Variants in PBX1 observed in about 807,000 individuals in gnomAD.
PBX1 encodes the protein pre-B-cell leukemia transcription factor 1.
PBX1 carries 6 observed loss-of-function variants against 53.4 expected under a neutral mutation model. That is an observed-to-expected ratio of 0.11 (90% CI 0.06 to 0.22). The LOEUF is 0.22. PBX1 is among the 10% of genes least tolerant of loss of function. The pLI is 1.00. For missense variants in PBX1, 251 were observed against 551.4 expected, an observed-to-expected ratio of 0.46 and a Z score of 5.46; for synonymous variants, 204 against 212.3, an observed-to-expected ratio of 0.96 and a Z score of 0.34.
At chr1:164,601,235 CAAAAAAAAAAAAAAAAAAA>C (rs746798555) in intron 2 of PBX1, among the ~76,000 whole-genome samples, 17 of 33,998 alleles carry the variant, frequency 5.0e-4, no homozygotes, top group Admixed American at 7.8e-4. Flanking sequence ...GATTCTGTCT[CAAAAAAAAAAAAAAAAAAA>C]AAAAAAAAGC....
intron 7 of PBX1, 45 bp downstream of exon 7, chr1:164,820,229 C>A: frequency 9.5e-7 from 1 of 1,055,798 alleles, no homozygotes; most frequent in Non-Finnish European, 1.5e-6. Flanking sequence ...CCTTAGAGTC[C>A]AAGAGCCCTC....
chr1:164,818,728 A>G (rs751520981), intron 6 of PBX1: 3 of 152,068 alleles, frequency 2.0e-5, no homozygotes, highest in Non-Finnish European at 4.4e-5. Flanking sequence ...AACACCATGA[A>G]TAGCCTAGAT....
chr1:164,695,591 T>G (rs1193370438), intron 2 of PBX1, among the ~76,000 whole-genome samples: 1 of 152,240 alleles, frequency 6.6e-6, no homozygotes, highest in Non-Finnish European at 1.5e-5. Flanking sequence ...GCCTTGTATA[T>G]TCCTTCATTG....
At position 164,849,970 on chromosome 1, in the gene PBX1, G is replaced by T. The variant is rs768764647; in HGVS notation, c.*3294G>T. 2.2e-5 allele frequency: 5 copies of T among 227,572 alleles called. No individual in the cohort carries two copies. Among genetic ancestry groups the T allele is most frequent in the Non-Finnish European group, 4.4e-5 (5 of 114,800 alleles). The allele number at this position is 227,572 out of a possible 1,614,324, so 14.1% of individuals were successfully genotyped here. ...ATTAACATTTTCCATTGTTTCTTGC[G>T]ACTTGTGTCTCGTTCTTTGTAGTAT... On this transcript the variant is annotated 3_prime_UTR_variant, in exon 9 of 9. Transcript: ENST00000420696.
chr1:164,611,690 C>T (rs1177178985), intron 2 of PBX1, among the ~76,000 whole-genome samples: 2 of 151,776 alleles, frequency 1.3e-5, no homozygotes, highest in Non-Finnish European at 1.5e-5. Flanking sequence ...TGCTTTGAGG[C>T]TTGGGAATAA....
At position 164,823,626 on chromosome 1, in the gene PBX1, G is replaced by GC. The variant is rs1441798553; in HGVS notation, c.1200+2000_1200+2001insC. Among the ~76,000 whole-genome samples, 277 of 124,354 alleles carry GC rather than the reference G, an allele frequency of 2.2e-3. 5 individuals carry two copies. Among genetic ancestry groups the GC allele is most frequent in the African/African-American group, 6.6e-3 (219 of 33,288 alleles). 81.6% of individuals were successfully genotyped at this position (124,354 alleles called of 152,430 possible). A position where few individuals can be genotyped will look rare whatever the true frequency, so the allele number is the denominator to read the frequency against. On this transcript the variant is annotated intron_variant, in intron 8 of 8. Coordinates refer to ENST00000420696, the MANE Select transcript of PBX1 (RefSeq NM_002585.4). ...GTCAGACTCTGGGGGGTGGGGGGGG[G>GC]GGTCAACACTGACCCCTCTGACATC...
intron 2 of PBX1, among the ~76,000 whole-genome samples, chr1:164,758,102 A>G (rs1372453643): frequency 6.6e-6 from 1 of 152,072 alleles, no homozygotes; most frequent in Admixed American, 6.6e-5. Flanking sequence ...GCCGCCTCAT[A>G]TTTCTACAGC....
intron 2 of PBX1, among the ~76,000 whole-genome samples, chr1:164,619,098 A>C (rs1273764947): frequency 6.6e-6 from 1 of 152,150 alleles, no homozygotes; most frequent in Non-Finnish European, 1.5e-5. Context: ...AGGGTTAGAC[A>C]ACAGGGAGAG....
At chr1:164,618,903 A>G (rs1657483766) in intron 2 of PBX1, among the ~76,000 whole-genome samples, 1 of 152,202 alleles carries the variant, frequency 6.6e-6, no homozygotes, top group South Asian at 2.1e-4. Context: ...CTACCTAATT[A>G]TGAATATTGA....
chr1:164,592,599 G>T (rs1655468484), intron 2 of PBX1, among the ~76,000 whole-genome samples: 1 of 152,214 alleles, frequency 6.6e-6, no homozygotes, highest in Non-Finnish European at 1.5e-5. Context: ...GCAGAGTCTA[G>T]CCTGGACCAG....
chr1:164,618,297 CGG>C (rs141131624), intron 2 of PBX1, among the ~76,000 whole-genome samples: 9 of 18,102 alleles, frequency 5.0e-4, no homozygotes, highest in Admixed American at 3.6e-3. Context: ...ATAATCACGG[CGG>C]GGGGGGGGGG....
At chr1:164,854,121 G>A (rs1030062098), downstream of PBX1, 1 of 151,774 alleles carries the variant, frequency 6.6e-6, no homozygotes, top group Non-Finnish European at 1.5e-5. Context: ...GGCCAGGCTG[G>A]TCTCGAACTC....
At chr1:164,721,043 G>C (rs970990444) in intron 2 of PBX1, among the ~76,000 whole-genome samples, 7 of 152,302 alleles carry the variant, frequency 4.6e-5, no homozygotes, top group Admixed American at 4.6e-4. Flanking sequence ...CTGTTTACTT[G>C]AACCAGTGAG....
chr1:164,879,881 T>TA (rs1340004609), intron 2 of PBX1, among the ~76,000 whole-genome samples: 3 of 152,098 alleles, frequency 2.0e-5, no homozygotes, highest in Non-Finnish European at 2.9e-5. Context: ...AAAAGAACCC[T>TA]AAAAAAACAC....
At position 164,662,357 on chromosome 1, in the gene PBX1, T is replaced by A. The variant is rs559927178; in HGVS notation, c.265+99046T>A. On this transcript the variant is annotated intron_variant, in intron 2 of 8. Transcript: ENST00000420696. ...ACAAACAAAAACTTCTTTAGTCTGT[T>A]TTTGGAAATTTCCATCTGACCAGAC... 9.2e-5 allele frequency among the ~76,000 whole-genome samples: 14 copies of A among 152,210 alleles called. No homozygotes were observed. In the South Asian group the frequency reaches 2.9e-3, roughly 32 times the overall value.
chr1:164,793,589 A>T (rs936645486), intron 3 of PBX1, among the ~76,000 whole-genome samples: 9 of 152,166 alleles, frequency 5.9e-5, no homozygotes, highest in Admixed American at 5.2e-4. Context: ...TCTAATAGAG[A>T]ACCCCCATCC....
intron 2 of PBX1, among the ~76,000 whole-genome samples, chr1:164,773,274 G>C (rs986947057): frequency 3.1e-4 from 13 of 41,788 alleles, no homozygotes; most frequent in East Asian, 1.4e-3. Flanking sequence ...CACACACACA[G>C]AGTTTTTCTT....
intron 2 of PBX1, among the ~76,000 whole-genome samples, chr1:164,742,461 G>A (rs1455709784): frequency 6.6e-6 from 1 of 152,174 alleles, no homozygotes; most frequent in Non-Finnish European, 1.5e-5. Context: ...AGAATTGCTT[G>A]AACCTGGGAG....
intron 8 of PBX1, among the ~76,000 whole-genome samples, chr1:164,844,114 T>C (rs1671440233): frequency 1.9e-5 from 2 of 102,900 alleles, no homozygotes; most frequent in African/African-American, 9.9e-5. Context: ...TTTCTTTCTT[T>C]CTTTTTTTTT....
Sources: allele counts gnomAD v4.1 joint callset (sites outside exome capture counted in the v4.1 genomes callset), GRCh38; gene constraint gnomAD v4.1.1; transcripts MANE v1.5; gene names NCBI Gene and HGNC (gene_info 2026-07-23, HGNC 2026-07-21).